The following UBE2QL1 variants were observed in gnomAD, a reference collection of about 807,000 sequenced individuals.
UBE2QL1 encodes ubiquitin-conjugating enzyme E2Q-like protein 1.
In UBE2QL1, 5 loss-of-function variants were observed where a neutral mutation model predicts 12.6. The ratio of observed to expected loss-of-function variants is 0.40; its 90% CI spans 0.21 to 0.83. UBE2QL1 has a LOEUF of 0.83. Among genes scored for constraint, UBE2QL1 ranks in the 40% least tolerant of loss-of-function variants. The pLI, the probability that UBE2QL1 is intolerant of heterozygous loss-of-function variation, is 0.37. For missense variants in UBE2QL1, 99 were observed against 222.6 expected (o/e 0.44, Z 3.53); for synonymous variants, 96 against 94.5 (o/e 1.02, Z -0.10).
chr5:6,462,424 TGAGGAGTGA>T (rs1223751327), intron 1 of UBE2QL1, among the ~76,000 whole-genome samples: 3 of 152,172 alleles, frequency 2.0e-5, no homozygotes, highest in South Asian at 2.1e-4. Flanking sequence ...GATCCTGGAC[TGAGGAGTGA>T]GGCCAGTTCC....
chr5:6,456,368 T>G (rs1379946193), intron 1 of UBE2QL1, among the ~76,000 whole-genome samples: 1 of 152,196 alleles, frequency 6.6e-6, no homozygotes, highest in Non-Finnish European at 1.5e-5. Flanking sequence ...GGAAACACTC[T>G]ACTTAAGGGT....
rs750569731 is a variant in UBE2QL1, at chr5:6,476,556, A to C, written c.355-14662A>C. ...GGAAACACCTGGGGGGCTCGGTTAA[A>C]GAGCCACATGCGGCACCCCTCAGGT... On this transcript the variant is annotated intron_variant, in intron 1 of 1. Coordinates refer to ENST00000399816, the MANE Select transcript of UBE2QL1 (RefSeq NM_001145161.3). This position sits in a 1 kb window ranked among gnomAD's most constrained non-coding sequence, Gnocchi z 4.9. Among the ~76,000 whole-genome samples, 3 of 152,166 alleles carry C rather than the reference A, an allele frequency of 2.0e-5. No homozygotes were observed. The highest frequency in any genetic ancestry group is 4.4e-5 in the Non-Finnish European group (3 of 68,024).
chr5:6,473,163 A>T (rs115075183), intron 1 of UBE2QL1, among the ~76,000 whole-genome samples: 3,171 of 152,294 alleles, frequency 0.021, 47 homozygotes, highest in Non-Finnish European at 0.033. Context: ...CAGCCAACAG[A>T]CTACAACCCC....
At chr5:6,460,128 C>G (rs1011389854) in intron 1 of UBE2QL1, among the ~76,000 whole-genome samples, 7 of 152,150 alleles carry the variant, frequency 4.6e-5, no homozygotes, top group African/African-American at 1.7e-4. Flanking sequence ...TGGAGATCTG[C>G]AGGCAGAGGC....
chr5:6,483,589 C>CT, intron 1 of UBE2QL1, among the ~76,000 whole-genome samples: 1 of 152,236 alleles, frequency 6.6e-6, no homozygotes, highest in East Asian at 1.9e-4. Flanking sequence ...CTGCTCGCCT[C>CT]TCCTGGACAC....
At chr5:6,452,644 A>G (rs1227672803) in intron 1 of UBE2QL1, among the ~76,000 whole-genome samples, 1 of 152,230 alleles carries the variant, frequency 6.6e-6, no homozygotes, top group African/African-American at 2.4e-5. Flanking sequence ...TTGAAATGAA[A>G]GTAGCCTGTA....
chr5:6,458,338 C>A (rs1438169556), intron 1 of UBE2QL1, among the ~76,000 whole-genome samples: 1 of 152,136 alleles, frequency 6.6e-6, no homozygotes, highest in African/African-American at 2.4e-5. Context: ...GTCCTCAGCT[C>A]ACTTGGAAAT....
rs1226005554 is a variant in UBE2QL1, at chr5:6,463,817, C to T, written c.354+14570C>T. Among the ~76,000 whole-genome samples the T allele has an allele frequency of 6.6e-5, 10 of 151,538 alleles. No homozygotes were observed. The East Asian group carries it at 1.4e-3, about 21-fold the overall frequency. The stretch of plus-strand genomic sequence containing the variant: ...TAATTTTTTGTATTTTTAGTAGAGA[C>T]GGGGTTTCACCATGTTAGCCAAGAT... On this transcript the variant is annotated intron_variant, in intron 1 of 1. Transcript: ENST00000399816.
chr5:6,464,399 A>G (rs2126340272), intron 1 of UBE2QL1, among the ~76,000 whole-genome samples: 2 of 152,344 alleles, frequency 1.3e-5, no homozygotes, highest in Middle Eastern at 3.4e-3. Context: ...AGGAACGGGA[A>G]ATAGCTCCCA....
chr5:6,483,533 C>T (rs1266379969), intron 1 of UBE2QL1, among the ~76,000 whole-genome samples: 1 of 152,162 alleles, frequency 6.6e-6, no homozygotes, highest in East Asian at 1.9e-4. Flanking sequence ...GTCAGCAGGG[C>T]GCAGCCAGCC....
intron 1 of UBE2QL1, among the ~76,000 whole-genome samples, chr5:6,474,502 T>C (rs141427791): frequency 6.6e-6 from 1 of 152,350 alleles, no homozygotes; most frequent in Non-Finnish European, 1.5e-5. Flanking sequence ...ACAGAGAAGT[T>C]ACTTGCTCCT....
chr5:6,473,372 G>A (rs1435218775), intron 1 of UBE2QL1, among the ~76,000 whole-genome samples: 1 of 152,200 alleles, frequency 6.6e-6, no homozygotes, highest in Non-Finnish European at 1.5e-5. Context: ...TCTATCTGGA[G>A]CACACAGCCT....
In UBE2QL1 at chr5:6,479,330, G is replaced by A. The variant is rs1038001589; in HGVS notation, c.355-11888G>A. 1.3e-5 allele frequency among the ~76,000 whole-genome samples: 2 copies of A among 152,138 alleles called. No homozygotes were observed. Among genetic ancestry groups the A allele is most frequent in the African/African-American group, 4.8e-5 (2 of 41,436 alleles). On this transcript the variant is annotated intron_variant, in intron 1 of 1. Coordinates refer to ENST00000399816, the MANE Select transcript of UBE2QL1 (RefSeq NM_001145161.3). The surrounding 1 kb of genome is among the most constrained non-coding windows in gnomAD (Gnocchi z 4.2). Reference sequence around the variant, plus strand: ...AACTGTGCAGGGAAAAGAGCTGGCCGGATTGTGATCTAAGAGGTCAAGTTG... The same window carrying A: ...AACTGTGCAGGGAAAAGAGCTGGCCAGATTGTGATCTAAGAGGTCAAGTTG...
At position 6,479,586 on chromosome 5, in the gene UBE2QL1, C is replaced by T. The variant is rs1734317331; in HGVS notation, c.355-11632C>T. On this transcript the variant is annotated intron_variant, in intron 1 of 1. Coordinates refer to ENST00000399816, the MANE Select transcript of UBE2QL1 (RefSeq NM_001145161.3). This position sits in a 1 kb window ranked among gnomAD's most constrained non-coding sequence, Gnocchi z 4.2. Reference sequence around the variant, plus strand: ...CTGTCCATCATAAAAAGGGCAGAGGCTGTGCTCATTAAGACTTTCCAGAAT... The same window carrying T: ...CTGTCCATCATAAAAAGGGCAGAGGTTGTGCTCATTAAGACTTTCCAGAAT... Among the ~76,000 whole-genome samples the T allele has an allele frequency of 6.6e-6, 1 of 152,198 alleles. No homozygotes were observed. Among genetic ancestry groups the T allele is most frequent in the African/African-American group, 2.4e-5 (1 of 41,432 alleles).
At chr5:6,457,450 C>T (rs2651945) in intron 1 of UBE2QL1, among the ~76,000 whole-genome samples, 45,469 of 152,018 alleles carry the variant, frequency 0.3, 7,561 homozygotes, top group East Asian at 0.51. Flanking sequence ...TGTATTGCCC[C>T]TTCTCTTTGC....
chr5:6,487,228 T>C (rs545507241), intron 1 of UBE2QL1, among the ~76,000 whole-genome samples: 5 of 152,360 alleles, frequency 3.3e-5, no homozygotes, highest in Admixed American at 3.3e-4. Context: ...ATTAGCTGTG[T>C]TGAAATGTTT....
At chr5:6,470,729 A>G (rs1739897092) in intron 1 of UBE2QL1, among the ~76,000 whole-genome samples, 1 of 152,174 alleles carries the variant, frequency 6.6e-6, no homozygotes, top group African/African-American at 2.4e-5. Context: ...GACAGTTAGG[A>G]GGCCTCCAGT....
At chr5:6,473,927 G>A (rs1734155753) in intron 1 of UBE2QL1, among the ~76,000 whole-genome samples, 1 of 152,146 alleles carries the variant, frequency 6.6e-6, no homozygotes, top group African/African-American at 2.4e-5. Context: ...TAGGAAAAGG[G>A]CAGTTTTGAT....
intron 1 of UBE2QL1, among the ~76,000 whole-genome samples, chr5:6,450,943 G>T (rs1739400342): frequency 6.6e-6 from 1 of 152,206 alleles, no homozygotes; most frequent in Non-Finnish European, 1.5e-5. Flanking sequence ...GGGGGGTAGG[G>T]GATCTCAGTT....
Sources: allele counts gnomAD v4.1 joint callset (sites outside exome capture counted in the v4.1 genomes callset), GRCh38; gene constraint gnomAD v4.1.1; non-coding constraint Gnocchi (gnomAD v3.1); transcripts MANE v1.5; gene names NCBI Gene and HGNC (gene_info 2026-07-23, HGNC 2026-07-21).